Variants in STK31 observed in about 807,000 individuals in gnomAD.
STK31 encodes serine/threonine kinase 31, also known as serine/threonine-protein kinase 31.
STK31 carries 89 observed loss-of-function variants against 129.7 expected under a neutral mutation model. The ratio of observed to expected loss-of-function variants is 0.69; its 90% confidence interval spans 0.58 to 0.82. The LOEUF (loss-of-function observed/expected upper bound fraction) is 0.82, where lower values mean the gene tolerates loss of function less well. STK31 is among the 40% of genes least tolerant of loss of function. The probability of loss-of-function intolerance (pLI) is 0.00; values close to 1 mark genes in which losing one functional copy is unlikely to be tolerated. For synonymous variants in STK31, 448 were observed against 395.3 expected (o/e 1.13, Z -1.58); for missense variants, 1,187 against 1,176.4 (o/e 1.01, Z -0.13).
Position 23,735,894 on chromosome 7 carries a change from A to G in STK31, c.840A>G (p.Pro280=). 2 of 1,566,422 alleles carry G rather than the reference A, an allele frequency of 1.3e-6. No homozygotes were observed. The highest frequency in any genetic ancestry group is 1.7e-6 in the Non-Finnish European group (2 of 1,157,070). ...ATGCAGGCAATCTTATAACATTTCC[A>G]AAGTAAGAATTTAGTCTTCACTAAT... ...ENDAGNLITF[P]KESLAVGDFN... is the part of the protein sequence containing the mutation. Residue 280 remains proline (P), a splice_region_variant and synonymous_variant, in exon 7 of 24, where the codon CCA becomes CCG. Transcript: ENST00000355870.
intron 13 of STK31, 30 bp downstream of exon 13, chr7:23,769,786 C>G: frequency 7.1e-7 from 1 of 1,416,706 alleles, no homozygotes; most frequent in South Asian, 1.2e-5. Flanking sequence ...ATTATTGCCT[C>G]CTTTGAAGCA....
rs1178647530 is a variant in STK31, at chr7:23,788,121, A to C, written c.2629A>C (p.Lys877Gln). The C allele has an allele frequency of 6.2e-7, 1 of 1,609,426 alleles. No individual in the cohort carries two copies. Among genetic ancestry groups the C allele is most frequent in the Admixed American group, 1.7e-5 (1 of 59,076 alleles). Reference sequence around the variant, plus strand: ...AATTGTTGGAGATTTTGACTTCACCAAATCTGTGGTAAGATATCATGGTTT... The same window carrying C: ...AATTGTTGGAGATTTTGACTTCACCCAATCTGTGGTAAGATATCATGGTTT... ...QGIVGDFDFT[K>Q]SVSQRASVNM... Residue 877 changes from lysine to glutamine, a missense_variant, in exon 21 of 24, where the codon AAA becomes CAA. Transcript: ENST00000355870.
rs561092268 is a variant in STK31, at chr7:23,783,223, C to T, written c.2068-360C>T. 2.0e-4 allele frequency among the ~76,000 whole-genome samples: 31 copies of T among 152,290 alleles called. No individual in the cohort carries two copies. In the South Asian group the frequency reaches 4.3e-3, roughly 21 times the overall value. ...GAACACAGTTTGAACACTTAGCAGT[C>T]TGTAAGTGGTTGAAGTATGGCGGCT... is the stretch of plus-strand genomic sequence containing the variant. On this transcript the variant is annotated intron_variant, in intron 16 of 23. Coordinates refer to ENST00000355870, the MANE Select transcript of STK31 (RefSeq NM_031414.5).
At position 23,763,033 on chromosome 7, in the gene STK31, T is replaced by G. The variant is rs143918019; in HGVS notation, c.1416+110T>G. ...TTGTTCTGTGATGGTTGCAAAAGTT[T>G]TTCCTGTTTCCTGAATTCTGATTTC... is the stretch of plus-strand genomic sequence containing the variant. On this transcript the variant is annotated intron_variant, in intron 11 of 23. Transcript: ENST00000355870. The G allele has an allele frequency of 4.9e-4, 438 of 885,870 alleles. No homozygotes were observed. The African/African-American group carries it at 5.2e-3, about 10-fold the overall frequency. 54.9% of individuals were successfully genotyped at this position (885,870 alleles called of 1,614,324 possible). A position where few individuals can be genotyped will look rare whatever the true frequency, so the allele number is the denominator to read the frequency against.
intron 23 of STK31, among the ~76,000 whole-genome samples, chr7:23,823,423 C>T (rs1793913380): frequency 6.6e-6 from 1 of 152,002 alleles, no homozygotes; most frequent in African/African-American, 2.4e-5. Flanking sequence ...TCATATCCTT[C>T]ATCCACTTTT....
At position 23,710,743 on chromosome 7, in the gene STK31, G is replaced by A. The variant is rs1005200331; in HGVS notation, c.50+408G>A. 4 of 1,053,860 alleles carry A rather than the reference G, an allele frequency of 3.8e-6. No individual in the cohort carries two copies. The African/African-American group carries it at 5.0e-5, about 13-fold the overall frequency. The allele number at this position is 1,053,860 out of a possible 1,614,324, so 65.3% of individuals were successfully genotyped here. On this transcript the variant is annotated intron_variant, in intron 1 of 23. Coordinates refer to ENST00000355870, the MANE Select transcript of STK31 (RefSeq NM_031414.5). ...TGTGATCTCTGTTTGCAGAAAGTGGGTACGGCATCAGTGCCTTCATAATCA... is the reference window on the plus strand; with the variant it reads ...TGTGATCTCTGTTTGCAGAAAGTGGATACGGCATCAGTGCCTTCATAATCA...
chr7:23,810,754 TA>T (rs1562623469), intron 22 of STK31, among the ~76,000 whole-genome samples: 10 of 130,928 alleles, frequency 7.6e-5, no homozygotes, highest in Non-Finnish European at 1.1e-4. Context: ...TAGATATATA[TA>T]ATATATAATA....
intron 23 of STK31, among the ~76,000 whole-genome samples, chr7:23,828,901 T>C (rs1002474273): frequency 2.0e-4 from 31 of 152,022 alleles, no homozygotes; most frequent in Admixed American, 2.0e-3. Context: ...TCTTTTTTTT[T>C]GTTTTTCTTT....
chr7:23,736,950 C>T lies in STK31; in HGVS notation c.889C>T (p.Leu297=), dbSNP rs527827507. The T allele has an allele frequency of 1.7e-5, 27 of 1,612,312 alleles. No homozygotes were observed. The South Asian group carries it at 2.2e-4, about 13-fold the overall frequency. Residue 297 remains leucine (L), a synonymous_variant, in exon 8 of 24, where the codon CTG becomes TTG. Coordinates refer to ENST00000355870, the MANE Select transcript of STK31 (RefSeq NM_031414.5). ...GDFNLGSNVS[L]EKIKQDQKLI... ...CTTTAATTTAGGGTCTAACGTCAGC[C>T]TGGAAAAAATTAAGCAGGACCAGAA...
chr7:23,716,191 T>C (rs1246597855), intron 3 of STK31, among the ~76,000 whole-genome samples: 1 of 152,228 alleles, frequency 6.6e-6, no homozygotes, highest in Non-Finnish European at 1.5e-5. Context: ...TTCAAGACTT[T>C]TGACACTTCT....
At chr7:23,722,802 C>T (rs1437867519) in intron 4 of STK31, 1 of 142,108 alleles carries the variant, frequency 7.0e-6, no homozygotes, top group Non-Finnish European at 1.6e-5. Context: ...GCCCCTCCCC[C>T]AGCCTCGCCG....
chr7:23,773,273 A>T (rs750073882), intron 15 of STK31, among the ~76,000 whole-genome samples: 63 of 152,028 alleles, frequency 4.1e-4, no homozygotes, highest in Non-Finnish European at 5.9e-4. Context: ...ACCTCATCTT[A>T]TGAGTGAGAA....
intron 12 of STK31, 101 bp from the exon 13 acceptor site, chr7:23,769,539 T>C: frequency 1.3e-6 from 1 of 757,250 alleles, no homozygotes; most frequent in Non-Finnish European, 2.1e-6. Flanking sequence ...TTCTTTTACA[T>C]TGCCCAGGGT....
chr7:23,752,006 T>TA (rs1333997931), intron 8 of STK31, among the ~76,000 whole-genome samples: 1 of 152,050 alleles, frequency 6.6e-6, no homozygotes, highest in Non-Finnish European at 1.5e-5. Context: ...GTTTGAGAGA[T>TA]AGAGTTTTAA....
intron 9 of STK31, among the ~76,000 whole-genome samples, chr7:23,753,550 T>G (rs1247649126): frequency 6.6e-6 from 1 of 152,238 alleles, no homozygotes; most frequent in Non-Finnish European, 1.5e-5. Flanking sequence ...TTGTGAAGTA[T>G]GCAAGAATCA....
Position 23,832,457 on chromosome 7 carries a change from A to T in STK31, c.*91A>T. ...TCTAGAAATGTTCTGGGACTAGTTG[A>T]GTTGTATCTTTAGTATTCAGGTTGT... On this transcript the variant is annotated 3_prime_UTR_variant, in exon 24 of 24. Transcript: ENST00000355870. 14 of 909,408 alleles carry T rather than the reference A, an allele frequency of 1.5e-5. No homozygotes were observed. The highest frequency in any genetic ancestry group is 2.2e-5 in the Non-Finnish European group (13 of 588,690). 56.3% of individuals were successfully genotyped at this position (909,408 alleles called of 1,614,324 possible). A position where few individuals can be genotyped will look rare whatever the true frequency, so the allele number is the denominator to read the frequency against.
At position 23,790,998 on chromosome 7, in the gene STK31, TAA is replaced by T. The variant is rs769617601; in HGVS notation, c.2760+54_2760+55del. ...TCATATATATATATATTTCAGTATA[TAA>T]AGTGATGATTTTATAGTGATTCTCC... is the stretch of plus-strand genomic sequence containing the variant. On this transcript the variant is annotated intron_variant, in intron 22 of 23. Transcript: ENST00000355870. 1.2e-5 allele frequency: 16 copies of T among 1,292,168 alleles called. No individual in the cohort carries two copies. The African/African-American group carries it at 2.3e-4, about 19-fold the overall frequency. The allele number at this position is 1,292,168 out of a possible 1,614,324, so 80.0% of individuals were successfully genotyped here. A position where few individuals can be genotyped will look rare whatever the true frequency, so the allele number is the denominator to read the frequency against.
intron 15 of STK31, 21 bp from the exon 16 acceptor site, chr7:23,781,398 A>G: frequency 6.4e-7 from 1 of 1,567,782 alleles, no homozygotes; most frequent in Non-Finnish European, 8.7e-7. Context: ...AATAAAAAAC[A>G]CTTTTTCTTT....
rs147014081 is a variant in STK31, at chr7:23,789,605, G to C, written c.2638-1219G>C. Reference sequence around the variant, plus strand: ...GAAACTGCAACTGTAATCAAAAGCTGGATTGTACAGGATTTATACAGATTG... The same window carrying C: ...GAAACTGCAACTGTAATCAAAAGCTCGATTGTACAGGATTTATACAGATTG... On this transcript the variant is annotated intron_variant, in intron 21 of 23. Coordinates refer to ENST00000355870, the MANE Select transcript of STK31 (RefSeq NM_031414.5). Among the ~76,000 whole-genome samples, 451 of 151,944 alleles carry C rather than the reference G, an allele frequency of 3.0e-3. 2 individuals are homozygous for C. The highest frequency in any genetic ancestry group is 7.8e-3 in the Admixed American group (119 of 15,256).
Sources: gnomAD v4.1 joint callset for allele counts (sites outside exome capture counted in the v4.1 genomes callset) on GRCh38, gnomAD v4.1.1 for gene constraint, MANE v1.5 for transcripts, NCBI Gene and HGNC (gene_info 2026-07-23, HGNC 2026-07-21) for gene names.